Variants in EYS observed in about 807,000 individuals in gnomAD.
EYS encodes protein eyes shut homolog.
In EYS, 250 loss-of-function variants were observed where a neutral mutation model predicts 282.1. The ratio of observed to expected loss-of-function variants is 0.89; its 90% CI spans 0.80 to 0.98. The LOEUF (loss-of-function observed/expected upper bound fraction) is 0.98, where lower values mean the gene tolerates loss of function less well. Ranked by LOEUF, EYS falls within the 50% of genes least tolerant of loss-of-function variation. The pLI is 0.00. For synonymous variants in EYS, 1,355 were observed against 1,282.9 expected (o/e 1.06, Z -1.20); for missense variants, 4,016 against 3,709.0 (o/e 1.08, Z -2.15).
At chr6:64,044,159 A>T (rs1016338883) in intron 33 of EYS, among the ~76,000 whole-genome samples, 2 of 152,184 alleles carry the variant, frequency 1.3e-5, no homozygotes, top group African/African-American at 2.4e-5. Context: ...TTCAGCAAAA[A>T]ATTTACTTCC....
intron 12 of EYS, among the ~76,000 whole-genome samples, chr6:65,117,783 A>G (rs532962806): frequency 5.3e-5 from 8 of 152,342 alleles, no homozygotes; most frequent in African/African-American, 1.4e-4. Context: ...ATCTGACATA[A>G]AAAAGAATTA....
chr6:64,363,514 C>T (rs1188657778), intron 29 of EYS, among the ~76,000 whole-genome samples: 1 of 151,868 alleles, frequency 6.6e-6, no homozygotes, highest in Admixed American at 6.6e-5. Context: ...ATATTTCTGA[C>T]ATTAGTTTAA....
At chr6:64,902,050 T>C in intron 18 of EYS, 63 bp downstream of exon 18, 1 of 1,056,180 alleles carries the variant, frequency 9.5e-7, no homozygotes, top group Non-Finnish European at 1.3e-6. Context: ...AGCACATGTG[T>C]GCTCACTTTC....
chr6:64,397,730 G>C (rs1214480780), intron 28 of EYS, among the ~76,000 whole-genome samples: 3 of 151,826 alleles, frequency 2.0e-5, no homozygotes, highest in Admixed American at 6.6e-5. Flanking sequence ...TGGCACTGTT[G>C]ATAGTCTCCA....
chr6:64,210,859 A>G (rs1376235486), intron 31 of EYS, among the ~76,000 whole-genome samples: 1 of 152,130 alleles, frequency 6.6e-6, no homozygotes, highest in Non-Finnish European at 1.5e-5. Flanking sequence ...GGGCCTGCGT[A>G]TAACAAAAAA....
chr6:65,473,320 A>G (rs1765284263), intron 5 of EYS, among the ~76,000 whole-genome samples: 1 of 152,016 alleles, frequency 6.6e-6, no homozygotes, highest in South Asian at 2.1e-4. Flanking sequence ...GAGAAATTGA[A>G]CAAAAGGCAA....
intron 30 of EYS, among the ~76,000 whole-genome samples, chr6:64,303,898 C>G (rs1369592882): frequency 1.3e-5 from 2 of 149,564 alleles, no homozygotes; most frequent in Non-Finnish European, 3.0e-5. Flanking sequence ...TCAGCCTAAT[C>G]CTCTTACCTT....
At chr6:65,157,157 G>T (rs2150219077) in intron 12 of EYS, among the ~76,000 whole-genome samples, 1 of 150,836 alleles carries the variant, frequency 6.6e-6, no homozygotes, top group African/African-American at 2.4e-5. Context: ...CTATTCTATT[G>T]AAATATTTTC....
chr6:64,765,930 A>G (rs12215956), intron 22 of EYS, among the ~76,000 whole-genome samples: 104,714 of 151,902 alleles, frequency 0.69, 38,097 homozygotes, highest in Non-Finnish European at 0.81. Context: ...TAAATTCTGA[A>G]AATATTTAGT....
chr6:64,658,437 A>G (rs1212108780), intron 22 of EYS, among the ~76,000 whole-genome samples: 1 of 152,104 alleles, frequency 6.6e-6, no homozygotes, highest in African/African-American at 2.4e-5. Flanking sequence ...TCTGATTTTT[A>G]GAGTTTCCAG....
rs148294551 is a variant in EYS, at chr6:65,495,350, C to T, written c.61G>A (p.Gly21Arg). 2 of 1,613,502 alleles carry T rather than the reference C, an allele frequency of 1.2e-6. No homozygotes were observed. Among genetic ancestry groups the T allele is most frequent in the African/African-American group, 2.7e-5 (2 of 74,902 alleles). The change falls in exon 4 of 43, where the codon GGA becomes AGA. Residue 21 changes from glycine (G) to arginine (R), a missense_variant. Transcript: ENST00000503581. ...LMVFHSSFIN[G>R]KTCRRQLVEE... is the part of the protein sequence containing the mutation. ...ACCAATTGCCGTCTACATGTTTTTC[C>T]ATTTATGAAAGAGCTGTGAAAAACC...
intron 19 of EYS, among the ~76,000 whole-genome samples, chr6:64,846,498 T>C (rs557925255): frequency 5.9e-5 from 9 of 152,254 alleles, no homozygotes; most frequent in African/African-American, 2.2e-4. Context: ...GGGATCTAAA[T>C]TATCTCAAGT....
chr6:65,535,268 C>G (rs946233723), intron 2 of EYS, among the ~76,000 whole-genome samples: 1 of 152,054 alleles, frequency 6.6e-6, no homozygotes, highest in Admixed American at 6.6e-5. Flanking sequence ...TGGCTGTGTC[C>G]CCACTCAAAT....
intron 5 of EYS, among the ~76,000 whole-genome samples, chr6:65,409,222 G>A (rs1313576170): frequency 2.0e-5 from 3 of 152,102 alleles, no homozygotes; most frequent in Non-Finnish European, 2.9e-5. Flanking sequence ...TGATTTCCTA[G>A]GCAAGTCACT....
chr6:63,746,775 C>T (rs186847954), intron 41 of EYS, among the ~76,000 whole-genome samples: 3 of 151,932 alleles, frequency 2.0e-5, no homozygotes, highest in African/African-American at 7.3e-5. Context: ...TGGTGATATC[C>T]CCTTTATCAT....
rs558089210 is a variant in EYS at position 65,318,017 on chromosome 6, G to A, written c.1766+16963C>T. Among the ~76,000 whole-genome samples the A allele has an allele frequency of 9.4e-3, 1,414 of 150,362 alleles. 16 individuals are homozygous for A. Among genetic ancestry groups the A allele is most frequent in the African/African-American group, 0.033 (1,350 of 40,418 alleles). On this transcript the variant is annotated intron_variant, in intron 11 of 42. Transcript: ENST00000503581. ...AGAGTAGCTGGGATGACAGGCGCCC[G>A]CCACCACGCCCAGCTAATTTTTTGT...
At chr6:64,187,791 C>G (rs1764991612) in intron 31 of EYS, among the ~76,000 whole-genome samples, 1 of 152,010 alleles carries the variant, frequency 6.6e-6, no homozygotes, top group Non-Finnish European at 1.5e-5. Flanking sequence ...TTCCTTTGAT[C>G]TACCATTAAC....
chr6:64,668,166 A>C (rs1417249338), intron 22 of EYS, among the ~76,000 whole-genome samples: 1 of 152,220 alleles, frequency 6.6e-6, no homozygotes, highest in Non-Finnish European at 1.5e-5. Context: ...ACAGACAATA[A>C]TACTAATAAA....
At chr6:64,873,662 A>G (rs1766660429) in intron 19 of EYS, among the ~76,000 whole-genome samples, 3 of 152,074 alleles carry the variant, frequency 2.0e-5, no homozygotes, top group African/African-American at 7.2e-5. Flanking sequence ...TGCATATATC[A>G]AAATTGCTTA....
Sources: allele counts gnomAD v4.1 joint callset (sites outside exome capture counted in the v4.1 genomes callset), GRCh38; gene constraint gnomAD v4.1.1; transcripts MANE v1.5; gene names NCBI Gene and HGNC (gene_info 2026-07-23, HGNC 2026-07-21).